Variants in TBC1D9 observed in about 807,000 individuals in gnomAD.
TBC1D9 encodes the protein TBC1 domain family member 9A.
Under a neutral mutation model 132.0 loss-of-function variants are expected in TBC1D9, and 63 were observed. The ratio of observed to expected loss-of-function variants is 0.48; its 90% CI spans 0.39 to 0.59. TBC1D9 has a LOEUF of 0.59. Among genes scored for constraint, TBC1D9 ranks in the 20% least tolerant of loss-of-function variants. TBC1D9 has a pLI of 0.00. For missense variants in TBC1D9, 1,261 were observed against 1,592.7 expected, an observed-to-expected ratio of 0.79 and a Z score of 3.54; for synonymous variants, 610 against 609.9, an observed-to-expected ratio of 1.00 and a Z score of 0.00.
chr4:140,649,558 C>A (rs1737155587), intron 13 of TBC1D9, among the ~76,000 whole-genome samples: 1 of 152,098 alleles, frequency 6.6e-6, no homozygotes, highest in African/African-American at 2.4e-5. Context: ...ATAGAAAAGC[C>A]TAACATTACA....
intron 20 of TBC1D9, among the ~76,000 whole-genome samples, chr4:140,623,216 A>G (rs1012056047): frequency 6.6e-6 from 1 of 152,052 alleles, no homozygotes; most frequent in Non-Finnish European, 1.5e-5. Flanking sequence ...CCCCAGGCAC[A>G]CACCACTATA....
At chr4:140,664,040 C>A (rs72718381) in intron 9 of TBC1D9, among the ~76,000 whole-genome samples, 49,409 of 112,198 alleles carry the variant, frequency 0.44, 10,121 homozygotes, top group South Asian at 0.54. Context: ...CTCTCCCCAC[C>A]AAAAAAAAAA....
intron 15 of TBC1D9, among the ~76,000 whole-genome samples, chr4:140,636,673 G>A (rs1204046352): frequency 6.6e-6 from 1 of 152,130 alleles, no homozygotes; most frequent in African/African-American, 2.4e-5. Context: ...TTACAGATGT[G>A]AGCTACTGCA....
At chr4:140,684,245 A>G (rs922176981) in intron 3 of TBC1D9, among the ~76,000 whole-genome samples, 3 of 152,020 alleles carry the variant, frequency 2.0e-5, no homozygotes, top group African/African-American at 4.8e-5. Context: ...CTAATTAAAA[A>G]AAAAAAAAAA....
chr4:140,645,914 C>T (rs1050318532), intron 13 of TBC1D9, among the ~76,000 whole-genome samples: 5 of 152,224 alleles, frequency 3.3e-5, no homozygotes, highest in East Asian at 3.8e-4. Context: ...GTCATCTCAC[C>T]AGAACAATAA....
chr4:140,755,867 C>G lies in TBC1D9; in HGVS notation c.130+49G>C, dbSNP rs759469020. On this transcript the variant is annotated intron_variant, in intron 1 of 20. Transcript: ENST00000442267. ...CCTGCAGCCCAGGCCGCGGGCGGCG[C>G]CGCAGCGCTCCCGGCTCCCCTCCTG... The G allele has an allele frequency of 4.7e-6, 7 of 1,489,102 alleles. No individual in the cohort carries two copies. In the Admixed American group the frequency reaches 1.6e-4, roughly 33 times the overall value. The allele number at this position is 1,489,102 out of a possible 1,614,324, so 92.2% of individuals were successfully genotyped here.
chr4:140,750,950 A>G (rs1738915235), intron 1 of TBC1D9, among the ~76,000 whole-genome samples: 1 of 152,028 alleles, frequency 6.6e-6, no homozygotes, highest in Non-Finnish European at 1.5e-5. Context: ...GGATAAACTC[A>G]CTGTAAATTG....
intron 3 of TBC1D9, among the ~76,000 whole-genome samples, chr4:140,681,916 T>G (rs1318902828): frequency 6.6e-6 from 1 of 152,212 alleles, no homozygotes; most frequent in Non-Finnish European, 1.5e-5. Context: ...GTTGTCTTAA[T>G]TTACATGCTG....
chr4:140,679,087 G>C lies in TBC1D9; in HGVS notation c.706C>G (p.Leu236Val), dbSNP rs866281470. 1.2e-6 allele frequency: 2 copies of C among 1,613,796 alleles called. No individual in the cohort carries two copies. The highest frequency in any genetic ancestry group is 1.7e-6 in the Non-Finnish European group (2 of 1,179,874). Residue 236 changes from leucine to valine, a missense_variant, in exon 5 of 21, where the codon CTC becomes GTC. Around this residue, in one of 3 missense-constraint regions of TBC1D9, gnomAD observed 550 missense variants for 699.0 expected, o/e 0.79. Transcript: ENST00000442267. ...RSSEHFFSVF[L>V]NINETFKLME... ...AACTTGAAGGTCTCGTTGATGTTGA[G>C]GAATACAGAGAAGAAATGCTCACTG...
intron 11 of TBC1D9, among the ~76,000 whole-genome samples, chr4:140,658,904 T>C (rs1344899143): frequency 6.6e-6 from 1 of 152,224 alleles, no homozygotes; most frequent in East Asian, 1.9e-4. Context: ...AAAGCATTCC[T>C]GTTGTACACA....
At chr4:140,642,070 C>T (rs1339232147) in intron 13 of TBC1D9, 4 of 694,812 alleles carry the variant, frequency 5.8e-6, no homozygotes, top group African/African-American at 1.8e-5. Context: ...TTTCAGAGTC[C>T]GGGAGGGGGC....
At chr4:140,642,122 G>C (rs1317846935) in intron 13 of TBC1D9, 1 of 749,646 alleles carries the variant, frequency 1.3e-6, no homozygotes, top group African/African-American at 1.7e-5. Context: ...TCAGCTAGGG[G>C]CCGCCAGCTG....
At chr4:140,624,482 T>C in intron 18 of TBC1D9, 94 bp from the exon 19 acceptor site, 4 of 1,066,504 alleles carry the variant, frequency 3.8e-6, no homozygotes, top group Non-Finnish European at 5.4e-6. Flanking sequence ...ACTCTCTAAG[T>C]AGGGTTGCCT....
At chr4:140,662,238 A>T (rs1737373804) in intron 9 of TBC1D9, 131 bp from the exon 10 acceptor site, 1 of 801,976 alleles carries the variant, frequency 1.2e-6, no homozygotes, top group Non-Finnish European at 2.1e-6. Flanking sequence ...AGGTGAAATC[A>T]CAGATGTGGT....
chr4:140,727,758 C>A (rs1465666407), intron 1 of TBC1D9, among the ~76,000 whole-genome samples: 3 of 149,968 alleles, frequency 2.0e-5, no homozygotes, highest in African/African-American at 4.9e-5. Context: ...CATGAGTGAA[C>A]AAGTGAATAA....
At chr4:140,663,118 G>A (rs746527047) in intron 9 of TBC1D9, among the ~76,000 whole-genome samples, 1 of 152,070 alleles carries the variant, frequency 6.6e-6, no homozygotes, top group Non-Finnish European at 1.5e-5. Context: ...GCAACTTAAT[G>A]GAAGAAAATA....
In TBC1D9 at chr4:140,639,122, G is replaced by A; in HGVS notation, c.2469C>T (p.Thr823=). The part of the protein sequence containing the change: ...VRTIVTETSF[T]IDELEELYAL... ...CATAAAGTTCTTCCAGCTCATCAAT[G>A]GTAAAGGAAGTTTCTGTCACAATGG... The change falls in exon 15 of 21, where the codon ACC becomes ACT. Residue 823 remains threonine, a synonymous_variant. Coordinates refer to ENST00000442267, the MANE Select transcript of TBC1D9 (RefSeq NM_015130.3). 1 of 1,588,982 alleles carries A rather than the reference G, an allele frequency of 6.3e-7. No individual in the cohort carries two copies. Among genetic ancestry groups the A allele is most frequent in the African/African-American group, 1.3e-5 (1 of 74,642 alleles).
At chr4:140,638,436 G>A (rs1007204986) in intron 15 of TBC1D9, among the ~76,000 whole-genome samples, 18 of 151,568 alleles carry the variant, frequency 1.2e-4, no homozygotes, top group Non-Finnish European at 2.9e-5. Context: ...CACTTTGGGA[G>A]GTCGAGGTGG....
rs10530134 is a variant in TBC1D9, at chr4:140,712,449, A to AATATAT, written c.131-10841_131-10836dup. ...CTGAATATGCTCTTTAAAAAAAAAG[A>AATATAT]ATATATATATATGCCAGGTGCGGTG... On this transcript the variant is annotated intron_variant, in intron 1 of 20. Coordinates refer to ENST00000442267, the MANE Select transcript of TBC1D9 (RefSeq NM_015130.3). Among the ~76,000 whole-genome samples, 13 of 102,706 alleles carry AATATAT rather than the reference A, an allele frequency of 1.3e-4. 3 individuals carry two copies. Among genetic ancestry groups the AATATAT allele is most frequent in the African/African-American group, 3.4e-4 (7 of 20,646 alleles). The allele number at this position is 102,706 out of a possible 152,430, so 67.4% of individuals were successfully genotyped here.
Sources: gnomAD v4.1 joint callset for allele counts (sites outside exome capture counted in the v4.1 genomes callset) on GRCh38, gnomAD v4.1.1 for gene constraint, gnomAD v4.1.1 regional missense constraint, MANE v1.5 for transcripts, NCBI Gene and HGNC (gene_info 2026-07-23, HGNC 2026-07-21) for gene names.